Variants in UTRN observed in about 807,000 individuals in gnomAD.
The protein encoded by UTRN is utrophin.
A neutral mutation model predicts 463.9 loss-of-function variants in UTRN; 283 were observed. The ratio of observed to expected loss-of-function variants is 0.61; its 90% confidence interval spans 0.55 to 0.67. UTRN has a LOEUF of 0.67. Among genes scored for constraint, UTRN ranks in the 30% least tolerant of loss-of-function variants. The probability of loss-of-function intolerance (pLI) is 0.00; values close to 1 mark genes in which losing one functional copy is unlikely to be tolerated. For missense variants in UTRN, 3,922 were observed against 4,084.3 expected, an observed-to-expected ratio of 0.96 and a Z score of 1.08; for synonymous variants, 1,442 against 1,431.5, an observed-to-expected ratio of 1.01 and a Z score of -0.17.
chr6:144,603,904 A>G (rs765092015), intron 51 of UTRN, among the ~76,000 whole-genome samples: 1 of 152,210 alleles, frequency 6.6e-6, no homozygotes, highest in East Asian at 1.9e-4. Flanking sequence ...CAGCAGTGGT[A>G]TATCAATACT....
chr6:144,446,593 TC>T (rs1312562429), intron 14 of UTRN, among the ~76,000 whole-genome samples: 1 of 152,222 alleles, frequency 6.6e-6, no homozygotes, highest in African/African-American at 2.4e-5. Context: ...TGACTGAATA[TC>T]CTCTGCTTAG....
At chr6:144,287,457 C>T (rs569291795) in intron 1 of UTRN, among the ~76,000 whole-genome samples, 4 of 152,172 alleles carry the variant, frequency 2.6e-5, no homozygotes, top group Non-Finnish European at 5.9e-5. Context: ...TCCTTTTCTA[C>T]TATCTCAATC....
intron 50 of UTRN, among the ~76,000 whole-genome samples, chr6:144,559,815 A>T (rs925512468): frequency 7.2e-5 from 11 of 152,266 alleles, no homozygotes; most frequent in African/African-American, 2.6e-4. Context: ...ATAACCATTT[A>T]TTACCTGTGT....
At chr6:144,767,085 G>A (rs1793442073) in intron 58 of UTRN, among the ~76,000 whole-genome samples, 1 of 152,114 alleles carries the variant, frequency 6.6e-6, no homozygotes, top group South Asian at 2.1e-4. Flanking sequence ...TATTAAGGCA[G>A]AGAAATAAAC....
chr6:144,608,935 A>G (rs1033983373), intron 51 of UTRN, among the ~76,000 whole-genome samples: 2 of 152,238 alleles, frequency 1.3e-5, no homozygotes, highest in African/African-American at 4.8e-5. Flanking sequence ...ACAGAAAACC[A>G]GAAAAACCAC....
chr6:144,458,718 A>G, intron 19 of UTRN, 52 bp from the exon 20 acceptor site: 3 of 1,516,558 alleles, frequency 2.0e-6, no homozygotes, highest in African/African-American at 1.4e-5. Flanking sequence ...AATAAATTCA[A>G]GACACATTTT....
rs570391472 is a variant in UTRN, at chr6:144,368,943, G to A, written c.80-34180G>A. On this transcript the variant is annotated intron_variant, in intron 2 of 74. Coordinates refer to ENST00000367545, the MANE Select transcript of UTRN (RefSeq NM_007124.3). ...TGACTTAAGGGATTTTGTTTTGTTT[G>A]GTTTATCTTTTAATTTCTGTTTTGA... Among the ~76,000 whole-genome samples, 4 of 152,102 alleles carry A rather than the reference G, an allele frequency of 2.6e-5. No individual in the cohort carries two copies. In the South Asian group the frequency reaches 6.2e-4, roughly 24 times the overall value.
At chr6:144,678,782 A>G (rs555454808) in intron 52 of UTRN, among the ~76,000 whole-genome samples, 10 of 152,296 alleles carry the variant, frequency 6.6e-5, no homozygotes, top group African/African-American at 2.4e-4. Context: ...CACCTGTTCT[A>G]GACTATTCAT....
At chr6:144,411,785 T>G (rs2114819869) in intron 3 of UTRN, among the ~76,000 whole-genome samples, 1 of 152,176 alleles carries the variant, frequency 6.6e-6, no homozygotes, top group East Asian at 1.9e-4. Flanking sequence ...TTCTCTTGTC[T>G]TTCTCTCTTC....
rs1781867572 is a variant in UTRN at position 144,678,442 on chromosome 6, T to C, written c.7516T>C (p.Phe2506Leu). Residue 2506 changes from phenylalanine (F) to leucine (L), a missense_variant, in exon 52 of 75, where the codon TTT becomes CTT. Coordinates refer to ENST00000367545, the MANE Select transcript of UTRN (RefSeq NM_007124.3). ...QAEIDAHNDI[F>L]KSIDGNRQKM... ...AGAAATTGATGCCCACAATGACATA[T>C]TTAAAAGCATTGACGGAAACAGGCA... 1 of 1,613,310 alleles carries C rather than the reference T, an allele frequency of 6.2e-7. No individual in the cohort carries two copies. The highest frequency in any genetic ancestry group is 8.5e-7 in the Non-Finnish European group (1 of 1,179,534).
chr6:144,490,029 A>G, intron 30 of UTRN, 42 bp from the exon 31 acceptor site: 1 of 1,567,078 alleles, frequency 6.4e-7, no homozygotes, highest in Non-Finnish European at 8.6e-7. Flanking sequence ...TACTTAAGTA[A>G]AAAAAAAAGG....
chr6:144,331,151 C>T, intron 2 of UTRN: 1 of 537,426 alleles, frequency 1.9e-6, no homozygotes, highest in South Asian at 8.0e-5. Context: ...ATTTTGTCCT[C>T]TGGGTGACCT....
intron 2 of UTRN, among the ~76,000 whole-genome samples, chr6:144,292,166 A>G (rs960717550): frequency 3.3e-5 from 5 of 152,198 alleles, no homozygotes; most frequent in Non-Finnish European, 7.3e-5. Context: ...CATTTGGAAG[A>G]CTACTCCATT....
chr6:144,447,510 T>C (rs184938335), intron 15 of UTRN, 92 bp from the exon 16 acceptor site: 38 of 1,444,504 alleles, frequency 2.6e-5, no homozygotes, highest in Middle Eastern at 3.5e-4. Context: ...TACATTTTAC[T>C]ATAAAAGATA....
chr6:144,374,539 A>G (rs569281020), intron 2 of UTRN, among the ~76,000 whole-genome samples: 13 of 151,428 alleles, frequency 8.6e-5, no homozygotes, highest in Admixed American at 3.3e-4. Flanking sequence ...GCTGGAGTGC[A>G]GTGGCGTGAT....
chr6:144,516,121 A>G (rs1006142845), intron 37 of UTRN, 108 bp from the exon 38 acceptor site: 37 of 1,120,218 alleles, frequency 3.3e-5, no homozygotes, highest in Admixed American at 1.5e-4. Flanking sequence ...CTGAATAGAA[A>G]AGTCAGTTAA....
chr6:144,590,766 A>C (rs1416851838), intron 51 of UTRN, among the ~76,000 whole-genome samples: 1 of 151,832 alleles, frequency 6.6e-6, no homozygotes, highest in African/African-American at 2.4e-5. Context: ...AACCTTGGCA[A>C]ATCCTTCCAC....
chr6:144,327,354 T>C (rs1211632576), intron 2 of UTRN, among the ~76,000 whole-genome samples: 1 of 152,124 alleles, frequency 6.6e-6, no homozygotes, highest in Non-Finnish European at 1.5e-5. Context: ...GTAAAAGAAA[T>C]GCTGTGGTAT....
At chr6:144,402,854 C>A (rs2114796364) in intron 2 of UTRN, among the ~76,000 whole-genome samples, 1 of 152,212 alleles carries the variant, frequency 6.6e-6, no homozygotes, top group African/African-American at 2.4e-5. Flanking sequence ...TGGATTTGGT[C>A]ACTGATGGCA....
Sources: allele counts gnomAD v4.1 joint callset (sites outside exome capture counted in the v4.1 genomes callset), GRCh38; gene constraint gnomAD v4.1.1; transcripts MANE v1.5; gene names NCBI Gene and HGNC (gene_info 2026-07-23, HGNC 2026-07-21).